The following RANBP2 variants were observed in gnomAD, a reference collection of about 807,000 sequenced individuals.
The protein encoded by RANBP2 is E3 SUMO-protein ligase RanBP2.
Under a neutral mutation model 303.6 loss-of-function variants are expected in RANBP2, and 57 were observed. The ratio of observed to expected loss-of-function variants is 0.19; its 90% CI spans 0.15 to 0.23. The LOEUF (loss-of-function observed/expected upper bound fraction) is 0.23. Ranked by LOEUF, RANBP2 falls within the 10% of genes least tolerant of loss-of-function variation. The pLI is 1.00. For synonymous variants in RANBP2, 1,167 were observed against 1,301.5 expected (o/e 0.90, Z 2.23); for missense variants, 3,138 against 3,780.8 (o/e 0.83, Z 4.46).
At chr2:109,189,918 A>G in the RANBP2 span, among the ~76,000 whole-genome samples, 2 of 152,148 alleles carry the variant, frequency 1.3e-5, no homozygotes, top group South Asian at 2.1e-4. Flanking sequence ...TGATTGCCTA[A>G]TGGATGCCTC....
At chr2:109,722,507 C>A in the RANBP2 span, among the ~76,000 whole-genome samples, 1 of 152,220 alleles carries the variant, frequency 6.6e-6, no homozygotes, top group Non-Finnish European at 1.5e-5. Flanking sequence ...ATCCAAGTTA[C>A]ATGTGCAGGA....
At chr2:108,728,623 A>ATGG (rs1321716864) in intron 1 of RANBP2, among the ~76,000 whole-genome samples, 1 of 150,686 alleles carries the variant, frequency 6.6e-6, no homozygotes. Context: ...GATGATGATG[A>ATGG]TGATGATGAT....
the RANBP2 span, among the ~76,000 whole-genome samples, chr2:108,960,052 C>T: frequency 4.5e-4 from 68 of 152,250 alleles, no homozygotes; most frequent in African/African-American, 1.5e-3. Context: ...GAAAGCAGTG[C>T]CCTCCAAAGA....
At chr2:109,117,468 G>A in the RANBP2 span, among the ~76,000 whole-genome samples, 8 of 152,208 alleles carry the variant, frequency 5.3e-5, no homozygotes, top group African/African-American at 7.2e-5. Flanking sequence ...CTGGTGTGCC[G>A]TTTTTTAAGC....
At chr2:109,591,579 G>T in the RANBP2 span, among the ~76,000 whole-genome samples, 50 of 152,286 alleles carry the variant, frequency 3.3e-4, no homozygotes, top group African/African-American at 1.2e-3. Context: ...TTGGAGCACA[G>T]AACTAAAGGA....
chr2:109,707,959 A>G, the RANBP2 span, among the ~76,000 whole-genome samples: 3 of 152,230 alleles, frequency 2.0e-5, no homozygotes, highest in South Asian at 6.2e-4. Flanking sequence ...GGCCTGGACC[A>G]CAGGTGCCAG....
the RANBP2 span, among the ~76,000 whole-genome samples, chr2:109,373,475 T>C: frequency 1.3e-5 from 2 of 152,224 alleles, no homozygotes; most frequent in African/African-American, 4.8e-5. Context: ...TCTCCCACCA[T>C]GCATGTGAAC....
At chr2:108,910,640 G>A in the RANBP2 span, 1 of 1,395,832 alleles carries the variant, frequency 7.2e-7, no homozygotes, top group African/African-American at 1.4e-5. Flanking sequence ...CGGTGTCTGT[G>A]TGGCACCACC....
the RANBP2 span, among the ~76,000 whole-genome samples, chr2:109,403,265 G>A: frequency 5.9e-5 from 9 of 152,302 alleles, no homozygotes; most frequent in Middle Eastern, 3.4e-3. Flanking sequence ...TTAGGGGTGC[G>A]TCTGTAGTTT....
intron 18 of RANBP2, among the ~76,000 whole-genome samples, chr2:108,761,367 T>C (rs1292382357): frequency 6.6e-6 from 1 of 152,108 alleles, no homozygotes; most frequent in Non-Finnish European, 1.5e-5. Context: ...TGGCACAGTT[T>C]CTGTTTCTTT....
chr2:109,130,022 C>T, the RANBP2 span: 6 of 1,322,226 alleles, frequency 4.5e-6, no homozygotes, highest in Non-Finnish European at 4.8e-6. Context: ...GGCAGCACCC[C>T]GGGTTCCCCG....
At chr2:109,062,718 G>T in the RANBP2 span, among the ~76,000 whole-genome samples, 1 of 152,106 alleles carries the variant, frequency 6.6e-6, no homozygotes, top group African/African-American at 2.4e-5. Context: ...CCTCTCTCGT[G>T]AGACAGAGCA....
At chr2:109,367,517 G>C in the RANBP2 span, among the ~76,000 whole-genome samples, 1 of 150,822 alleles carries the variant, frequency 6.6e-6, no homozygotes, top group Non-Finnish European at 1.5e-5. Context: ...CCTGACCTCA[G>C]GTGATCCACC....
intron 8 of RANBP2, among the ~76,000 whole-genome samples, chr2:108,748,482 A>T (rs530310882): frequency 3.3e-5 from 5 of 151,508 alleles, no homozygotes; most frequent in Non-Finnish European, 7.4e-5. Context: ...TGGCCTCCCA[A>T]AGTGCTGGGA....
chr2:109,740,223 A>G, the RANBP2 span, among the ~76,000 whole-genome samples: 1 of 151,756 alleles, frequency 6.6e-6, no homozygotes, highest in African/African-American at 2.4e-5. Flanking sequence ...TCTTGACCTC[A>G]TGATCCGCCT....
At chr2:109,230,327 G>A in the RANBP2 span, among the ~76,000 whole-genome samples, 1 of 152,138 alleles carries the variant, frequency 6.6e-6, no homozygotes, top group African/African-American at 2.4e-5. Context: ...TGTAAACCCA[G>A]CACTTCCGAG....
chr2:109,154,470 G>A, the RANBP2 span, among the ~76,000 whole-genome samples: 1 of 152,222 alleles, frequency 6.6e-6, no homozygotes, highest in East Asian at 1.9e-4. Context: ...GGGACCACCA[G>A]CCTTTTTGAG....
the RANBP2 span, among the ~76,000 whole-genome samples, chr2:109,019,377 C>A: frequency 2.1e-4 from 32 of 152,334 alleles, no homozygotes; most frequent in African/African-American, 7.2e-4. Context: ...TTTGTTGTTA[C>A]AGAGCAAAGA....
At chr2:108,862,817 A>T in the RANBP2 span, among the ~76,000 whole-genome samples, 1 of 152,034 alleles carries the variant, frequency 6.6e-6, no homozygotes, top group Non-Finnish European at 1.5e-5. Context: ...ACGTGGTTAG[A>T]TACTAGTGCA....
Sources: allele counts gnomAD v4.1 joint callset (sites outside exome capture counted in the v4.1 genomes callset), GRCh38; gene constraint gnomAD v4.1.1; transcripts MANE v1.5; gene names NCBI Gene and HGNC (gene_info 2026-07-23, HGNC 2026-07-21).